CAMK4: variants seen among roughly 807,000 people sequenced by gnomAD.
The protein encoded by CAMK4 is calcium/calmodulin-dependent protein kinase type IV.
A neutral mutation model predicts 44.9 loss-of-function variants in CAMK4; 22 were observed. The ratio of observed to expected loss-of-function variants is 0.49; its 90% CI spans 0.35 to 0.70. CAMK4 has a LOEUF of 0.70. Ranked by LOEUF, CAMK4 falls within the 30% of genes least tolerant of loss-of-function variation. CAMK4 has a pLI of 0.01. For synonymous variants in CAMK4, 218 were observed against 215.4 expected (o/e 1.01, Z -0.11); for missense variants, 498 against 586.8 (o/e 0.85, Z 1.56).
intron 1 of CAMK4, among the ~76,000 whole-genome samples, chr5:111,230,393 G>A (rs1033777561): frequency 6.6e-6 from 1 of 152,182 alleles, no homozygotes; most frequent in African/African-American, 2.4e-5. Flanking sequence ...ATGCCTCCAA[G>A]CTATACCATC....
At position 111,453,487 on chromosome 5, in the gene CAMK4, G is replaced by A. The variant is rs1754304739; in HGVS notation, c.625+4284G>A. Among the ~76,000 whole-genome samples the A allele has an allele frequency of 2.0e-5, 3 of 152,254 alleles. No individual in the cohort carries two copies. In the South Asian group the frequency reaches 6.2e-4, roughly 32 times the overall value. On this transcript the variant is annotated intron_variant, in intron 7 of 10. Transcript: ENST00000282356. ...CATGTATCTTTCTGAGAATAAGTTG[G>A]TGGGGAGGAAACTGTCCATTTATAG...
chr5:111,361,268 T>G lies in CAMK4; in HGVS notation c.241-13582T>G, dbSNP rs565095166. Among the ~76,000 whole-genome samples, 6 of 152,158 alleles carry G rather than the reference T, an allele frequency of 3.9e-5. No homozygotes were observed. The South Asian group carries it at 1.2e-3, about 32-fold the overall frequency. ...TACAAAATCATAAGCTTTTTTGGCT[T>G]TGTAACTAATAGAAAATCACTTAGT... On this transcript the variant is annotated intron_variant, in intron 2 of 10. Transcript: ENST00000282356.
chr5:111,397,077 T>C (rs1188956998), intron 5 of CAMK4, among the ~76,000 whole-genome samples: 3 of 152,226 alleles, frequency 2.0e-5, no homozygotes, highest in Admixed American at 6.5e-5. Context: ...TTCTTGTTAT[T>C]ATACATAATA....
intron 2 of CAMK4, among the ~76,000 whole-genome samples, chr5:111,355,605 A>G (rs1011244914): frequency 6.7e-6 from 1 of 148,254 alleles, no homozygotes; most frequent in Non-Finnish European, 1.5e-5. Context: ...GCACCCATTA[A>G]CTCGTCATTT....
chr5:111,272,109 GTGTGTGTGTT>G (rs1283309359), intron 1 of CAMK4, among the ~76,000 whole-genome samples: 2 of 151,842 alleles, frequency 1.3e-5, no homozygotes, highest in African/African-American at 4.8e-5. Context: ...GTGTGTGTTT[GTGTGTGTGTT>G]TGTGTGTGTG....
intron 1 of CAMK4, among the ~76,000 whole-genome samples, chr5:111,233,942 G>C (rs965414489): frequency 3.3e-5 from 5 of 152,166 alleles, no homozygotes; most frequent in Admixed American, 6.5e-5. Context: ...TGAGGTGCTA[G>C]AAGAAAGTAT....
intron 1 of CAMK4, among the ~76,000 whole-genome samples, chr5:111,330,585 A>ATAAT (rs951624620): frequency 1.3e-5 from 2 of 151,708 alleles, no homozygotes; most frequent in Non-Finnish European, 2.9e-5. Flanking sequence ...ACCCCAAGTT[A>ATAAT]TAATTAATTA....
intron 7 of CAMK4, among the ~76,000 whole-genome samples, chr5:111,457,832 C>T (rs946207333): frequency 3.9e-5 from 6 of 152,152 alleles, no homozygotes; most frequent in Admixed American, 6.5e-5. Flanking sequence ...AATTATACTG[C>T]AATCCAATCA....
At chr5:111,474,594 G>C (rs374541394) in intron 8 of CAMK4, among the ~76,000 whole-genome samples, 2 of 152,032 alleles carry the variant, frequency 1.3e-5, no homozygotes, top group African/African-American at 2.4e-5. Flanking sequence ...GGGGTTGGAG[G>C]GGGGAATACA....
intron 1 of CAMK4, among the ~76,000 whole-genome samples, chr5:111,276,200 C>T (rs796435792): frequency 5.2e-4 from 79 of 152,198 alleles, no homozygotes; most frequent in African/African-American, 1.8e-3. Flanking sequence ...ACTATTATTA[C>T]TTATGTGTTT....
At chr5:111,415,877 A>G (rs1289179389) in intron 5 of CAMK4, among the ~76,000 whole-genome samples, 6 of 152,250 alleles carry the variant, frequency 3.9e-5, no homozygotes, top group African/African-American at 7.2e-5. Flanking sequence ...ACAACTATTT[A>G]CATAGCATTT....
chr5:111,396,603 A>G (rs1752017045), intron 5 of CAMK4, among the ~76,000 whole-genome samples: 1 of 143,412 alleles, frequency 7.0e-6, no homozygotes, highest in Non-Finnish European at 1.5e-5. Flanking sequence ...AGAAAGAAGA[A>G]GCACTTTAAT....
chr5:111,401,648 G>A (rs529944895), intron 5 of CAMK4, among the ~76,000 whole-genome samples: 51 of 152,220 alleles, frequency 3.4e-4, no homozygotes, highest in South Asian at 1.2e-3. Flanking sequence ...AACAGATTTA[G>A]CTTTTTACAT....
chr5:111,323,717 A>G (rs1358855183), intron 1 of CAMK4, among the ~76,000 whole-genome samples: 1 of 152,136 alleles, frequency 6.6e-6, no homozygotes, highest in Non-Finnish European at 1.5e-5. Context: ...GAAAACTGAA[A>G]GAATCTATTG....
chr5:111,245,587 G>T (rs1052221189), intron 1 of CAMK4, among the ~76,000 whole-genome samples: 22 of 152,046 alleles, frequency 1.4e-4, no homozygotes, highest in African/African-American at 4.8e-4. Context: ...CTTCAATTTG[G>T]TTTTTTATTC....
At chr5:111,454,642 A>G (rs140516263) in intron 7 of CAMK4, among the ~76,000 whole-genome samples, 5 of 122,870 alleles carry the variant, frequency 4.1e-5, no homozygotes, top group African/African-American at 1.3e-4. Context: ...AGTAGGTCAC[A>G]CAGACAAAAA....
chr5:111,261,847 A>G (rs1749991679), intron 1 of CAMK4, among the ~76,000 whole-genome samples: 1 of 152,034 alleles, frequency 6.6e-6, no homozygotes, highest in Non-Finnish European at 1.5e-5. Flanking sequence ...ATATGTGCCA[A>G]TCTGGGGACT....
At chr5:111,462,503 G>C (rs1754678820) in intron 7 of CAMK4, among the ~76,000 whole-genome samples, 1 of 152,124 alleles carries the variant, frequency 6.6e-6, no homozygotes, top group African/African-American at 2.4e-5. Context: ...TTTAATGAGT[G>C]AGTGAATGAA....
intron 1 of CAMK4, among the ~76,000 whole-genome samples, chr5:111,268,883 A>C (rs2112577427): frequency 6.6e-6 from 1 of 152,206 alleles, no homozygotes; most frequent in East Asian, 1.9e-4. Flanking sequence ...AGATCTATTG[A>C]AAAGGAAAGA....
Sources: allele counts gnomAD v4.1 joint callset (sites outside exome capture counted in the v4.1 genomes callset), GRCh38; gene constraint gnomAD v4.1.1; transcripts MANE v1.5; gene names NCBI Gene and HGNC (gene_info 2026-07-23, HGNC 2026-07-21).